The following MCF2L variants were observed in gnomAD, a reference collection of about 807,000 sequenced individuals.
The protein encoded by MCF2L is MCF.2 cell line derived transforming sequence like.
A neutral mutation model predicts 153.4 loss-of-function variants in MCF2L; 97 were observed. That is an observed-to-expected ratio of 0.63 (90% confidence interval 0.54 to 0.75). The LOEUF (loss-of-function observed/expected upper bound fraction) is 0.75. MCF2L is among the 30% of genes least tolerant of loss of function. The probability of loss-of-function intolerance (pLI) is 0.00; values close to 1 mark genes in which losing one functional copy is unlikely to be tolerated. For synonymous variants in MCF2L, 659 were observed against 632.2 expected (o/e 1.04, Z -0.64); for missense variants, 1,347 against 1,495.2 (o/e 0.90, Z 1.64).
At chr13:112,968,350 C>A, upstream of MCF2L, 4 of 1,378,650 alleles carry the variant, frequency 2.9e-6, no homozygotes, top group Non-Finnish European at 3.9e-6. Context: ...CAGAGAGTTT[C>A]TTGCATATGG....
chr13:113,062,377 A>C (rs1381390573), intron 5 of MCF2L, among the ~76,000 whole-genome samples: 5 of 150,670 alleles, frequency 3.3e-5, no homozygotes, highest in Non-Finnish European at 5.9e-5. Flanking sequence ...GCAGACAGCT[A>C]CTCTCTTGGT....
chr13:113,006,213 C>G (rs1443948405), intron 1 of MCF2L, among the ~76,000 whole-genome samples: 1 of 152,236 alleles, frequency 6.6e-6, no homozygotes, highest in South Asian at 2.1e-4. Context: ...CTGTTGAGCC[C>G]GTGGCAGTGA....
chr13:113,079,878 C>T (rs1369986698), intron 15 of MCF2L, among the ~76,000 whole-genome samples: 4 of 80,816 alleles, frequency 4.9e-5, no homozygotes, highest in East Asian at 3.0e-4. Flanking sequence ...GAGGGGCATC[C>T]GCACAGAGGA....
chr13:112,968,810 G>A (rs1280950786), upstream of MCF2L: 5 of 1,325,972 alleles, frequency 3.8e-6, no homozygotes, highest in African/African-American at 1.6e-5. Context: ...CCAGGAGGGC[G>A]TGGAGACCCG....
At chr13:112,903,608 G>A (rs1209573570) in intron 2 of MCF2L, among the ~76,000 whole-genome samples, 2 of 152,192 alleles carry the variant, frequency 1.3e-5, no homozygotes, top group Non-Finnish European at 2.9e-5. Flanking sequence ...TTTAGAGCTG[G>A]CTGGCTGGGG....
At position 113,078,378 on chromosome 13, in the gene MCF2L, C is replaced by T; in HGVS notation, c.1676C>T (p.Ser559Phe). Residue 559 changes from serine (S) to phenylalanine (F), a missense_variant, in exon 14 of 30, where the codon TCT (serine) becomes TTT (phenylalanine). Ser to Phe is a radical substitution (Grantham distance 155). Around this residue, in one of 3 missense-constraint regions of MCF2L, gnomAD observed 820 missense variants for 921.2 expected, o/e 0.89. Transcript: ENST00000535094. ...PCPSPGIRRG[S>F]ENSSSEGGAL... The stretch of plus-strand genomic sequence containing the variant: ...TTCCCAACAGGCATTCGGCGAGGCT[C>T]TGAGAACTCCAGCTCCGAGGGCGGT... The T allele has an allele frequency of 6.2e-7, 1 of 1,613,440 alleles. No individual in the cohort carries two copies. The highest frequency in any genetic ancestry group is 8.5e-7 in the Non-Finnish European group (1 of 1,179,958).
At chr13:113,080,454 G>C (rs201678573) in intron 15 of MCF2L, among the ~76,000 whole-genome samples, 1 of 152,174 alleles carries the variant, frequency 6.6e-6, no homozygotes, top group Non-Finnish European at 1.5e-5. Context: ...TGCCGAGTCC[G>C]GGGCCTCTGC....
In MCF2L at chr13:113,064,334, C is replaced by T; in HGVS notation, c.520C>T (p.His174Tyr). The T allele has an allele frequency of 6.2e-7, 1 of 1,612,956 alleles. No individual in the cohort carries two copies. Among genetic ancestry groups the T allele is most frequent in the Non-Finnish European group, 8.5e-7 (1 of 1,179,842 alleles). Reference sequence around the variant, plus strand: ...AATGCTGAGCTCCGTACCAGACTTACACGGTTACATCGATAAGTCGCAGCT... The same window carrying T: ...AATGCTGAGCTCCGTACCAGACTTATACGGTTACATCGATAAGTCGCAGCT... ...VIMLSSVPDL[H>Y]GYIDKSQLTE... is the part of the protein sequence containing the mutation. Residue 174 changes from histidine to tyrosine, a missense_variant, in exon 6 of 30, where the codon CAC becomes TAC. Transcript: ENST00000535094. This position sits in a 1 kb window ranked among gnomAD's most constrained non-coding sequence, Gnocchi z 6.0.
Position 113,028,988 on chromosome 13 carries a change from G to C in MCF2L, c.278+4230G>C, listed in dbSNP as rs1414693492. 6.6e-6 allele frequency among the ~76,000 whole-genome samples: 1 copy of C among 151,980 alleles called. No individual in the cohort carries two copies. The highest frequency in any genetic ancestry group is 1.5e-5 in the Non-Finnish European group (1 of 67,974). On this transcript the variant is annotated intron_variant, in intron 3 of 29. Transcript: ENST00000535094. The surrounding 1 kb of genome is among the most constrained non-coding windows in gnomAD (Gnocchi z 5.4). ...GTGTGGGGTGAGTGTGGGGTGTGGTGTGTGGGGGGTGTGTGTGAGCGTGAG... is the reference window on the plus strand; with the variant it reads ...GTGTGGGGTGAGTGTGGGGTGTGGTCTGTGGGGGGTGTGTGTGAGCGTGAG...
chr13:112,896,694 C>T (rs2140483091), intron 1 of MCF2L, among the ~76,000 whole-genome samples: 1 of 152,334 alleles, frequency 6.6e-6, no homozygotes, highest in East Asian at 1.9e-4. Context: ...GGGTGCAGCT[C>T]ACCTTTCTGT....
intron 2 of MCF2L, among the ~76,000 whole-genome samples, chr13:112,923,257 CTTTTT>C (rs57030206): frequency 3.8e-5 from 3 of 78,446 alleles, no homozygotes; most frequent in Admixed American, 1.8e-4. Context: ...GTGTTTGCTT[CTTTTT>C]TTTTTTTTTT....
At chr13:113,094,416 T>G in intron 26 of MCF2L, 98 bp from the exon 27 acceptor site, 2 of 1,339,806 alleles carry the variant, frequency 1.5e-6, no homozygotes, top group Non-Finnish European at 1.0e-6. Context: ...ACGGCACACA[T>G]TTCAGGGGGT....
intron 2 of MCF2L, among the ~76,000 whole-genome samples, chr13:113,016,023 T>C (rs890740018): frequency 6.6e-6 from 1 of 152,162 alleles, no homozygotes; most frequent in African/African-American, 2.4e-5. Context: ...CCTCCAGCCT[T>C]GACCTTCCTC....
intron 2 of MCF2L, among the ~76,000 whole-genome samples, chr13:113,019,728 G>A (rs987066605): frequency 2.0e-5 from 3 of 152,222 alleles, no homozygotes; most frequent in Admixed American, 6.5e-5. Flanking sequence ...GGGGAGGTGA[G>A]GCCTTTGGGA....
In MCF2L at chr13:113,064,004, G is replaced by C; in HGVS notation, c.490-300G>C. On this transcript the variant is annotated intron_variant, in intron 5 of 29. Coordinates refer to ENST00000535094, the MANE Select transcript of MCF2L (RefSeq NM_001112732.3). The surrounding 1 kb of genome is among the most constrained non-coding windows in gnomAD (Gnocchi z 6.0). ...CCCGTGACACGTCTGTGGTCACAAAGCCTATGGCTAGTGTGCAGTGCCTGC... is the reference window on the plus strand; with the variant it reads ...CCCGTGACACGTCTGTGGTCACAAACCCTATGGCTAGTGTGCAGTGCCTGC... The C allele has an allele frequency of 4.7e-6, 2 of 427,408 alleles. No individual in the cohort carries two copies. Among genetic ancestry groups the C allele is most frequent in the South Asian group, 2.0e-5 (1 of 50,852 alleles). 26.5% of individuals were successfully genotyped at this position (427,408 alleles called of 1,614,324 possible). A position where few individuals can be genotyped will look rare whatever the true frequency, so the allele number is the denominator to read the frequency against.
chr13:112,923,257 C>CTTTTTTTT lies in MCF2L; in HGVS notation c.169+20903_169+20910dup, dbSNP rs57030206. On this transcript the variant is annotated intron_variant, in intron 2 of 29. Coordinates refer to the MCF2L transcript ENST00000375608. ...TCTCCATGAACTTCAGTGTTTGCTT[C>CTTTTTTTT]TTTTTTTTTTTTTTTTTTTTTTTTG... is the stretch of plus-strand genomic sequence containing the variant. Among the ~76,000 whole-genome samples, 505 of 78,488 alleles carry CTTTTTTTT rather than the reference C, an allele frequency of 6.4e-3. 14 individuals carry two copies. Among genetic ancestry groups the CTTTTTTTT allele is most frequent in the South Asian group, 0.02 (31 of 1,574 alleles). 51.5% of individuals were successfully genotyped at this position (78,488 alleles called of 152,430 possible).
rs1003691294 is a variant in MCF2L, at chr13:112,993,958, A to G, written c.80-20805A>G. Reference sequence around the variant, plus strand: ...AAAAGGCACAATCACAACAGCAGCAAACACACCTTCATTTTAAAGACAGCA... The same window carrying G: ...AAAAGGCACAATCACAACAGCAGCAGACACACCTTCATTTTAAAGACAGCA... On this transcript the variant is annotated intron_variant, in intron 1 of 29. Coordinates refer to ENST00000535094, the MANE Select transcript of MCF2L (RefSeq NM_001112732.3). This position sits in a 1 kb window ranked among gnomAD's most constrained non-coding sequence, Gnocchi z 4.6. Among the ~76,000 whole-genome samples the G allele has an allele frequency of 4.0e-5, 6 of 150,474 alleles. No individual in the cohort carries two copies. The highest frequency in any genetic ancestry group is 1.5e-4 in the African/African-American group (6 of 40,928).
chr13:113,095,677 G>A (rs1225789115), intron 27 of MCF2L: 2 of 991,166 alleles, frequency 2.0e-6, no homozygotes, highest in Non-Finnish European at 2.4e-6. Context: ...AGGGCAGGTG[G>A]CCCAGTCACC....
At chr13:113,003,256 T>C (rs1366985062) in intron 1 of MCF2L, among the ~76,000 whole-genome samples, 4 of 149,538 alleles carry the variant, frequency 2.7e-5, no homozygotes, top group African/African-American at 9.9e-5. Context: ...CCCCCGTGGG[T>C]TTTGGGGTTG....
Sources: gnomAD v4.1 joint callset for allele counts (sites outside exome capture counted in the v4.1 genomes callset) on GRCh38, gnomAD v4.1.1 for gene constraint, gnomAD v4.1.1 regional missense constraint, Gnocchi (gnomAD v3.1) non-coding constraint, MANE v1.5 for transcripts, NCBI Gene and HGNC (gene_info 2026-07-23, HGNC 2026-07-21) for gene names.